Variants in GRID1 observed in about 807,000 individuals in gnomAD.
The protein encoded by GRID1 is glutamate ionotropic receptor delta type subunit 1.
Under a neutral mutation model 98.0 loss-of-function variants are expected in GRID1, and 28 were observed. The ratio of observed to expected loss-of-function variants is 0.29; its 90% CI spans 0.21 to 0.39. The LOEUF is 0.39. Among genes scored for constraint, GRID1 ranks in the 10% least tolerant of loss-of-function variants. The probability of loss-of-function intolerance (pLI) is 1.00; values close to 1 mark genes in which losing one functional copy is unlikely to be tolerated. For missense variants in GRID1, 1,111 were observed against 1,340.5 expected, an observed-to-expected ratio of 0.83 and a Z score of 2.67; for synonymous variants, 553 against 538.5, an observed-to-expected ratio of 1.03 and a Z score of -0.37.
At chr10:85,664,485 C>T (rs1211222176) in intron 12 of GRID1, among the ~76,000 whole-genome samples, 1 of 152,108 alleles carries the variant, frequency 6.6e-6, no homozygotes, top group East Asian at 1.9e-4. Context: ...AGTTTTTTAT[C>T]TTTTGTAATG....
intron 4 of GRID1, among the ~76,000 whole-genome samples, chr10:86,055,882 A>C (rs1200931979): frequency 1.3e-5 from 2 of 152,140 alleles, no homozygotes; most frequent in African/African-American, 4.8e-5. Flanking sequence ...CAAGCCAGAA[A>C]AAGAGCCCTT....
intron 4 of GRID1, among the ~76,000 whole-genome samples, chr10:85,955,918 C>T (rs2131846167): frequency 6.6e-6 from 1 of 152,270 alleles, no homozygotes. Context: ...CCCCTCAGCC[C>T]TTTCTCTTTC....
intron 4 of GRID1, among the ~76,000 whole-genome samples, chr10:86,074,384 T>A (rs915711024): frequency 1.3e-5 from 2 of 152,190 alleles, no homozygotes; most frequent in Non-Finnish European, 2.9e-5. Context: ...CGTGTTCAAA[T>A]GTTTTCATTC....
intron 4 of GRID1, among the ~76,000 whole-genome samples, chr10:86,070,909 T>C (rs1437689636): frequency 2.0e-5 from 3 of 151,888 alleles, no homozygotes; most frequent in African/African-American, 7.3e-5. Context: ...TGCATGCACA[T>C]CTCCCTCCCT....
rs1229649171 is a variant in GRID1 at position 85,825,382 on chromosome 10, TG to T, written c.1233+29113del. ...TCATTTGTCCATTTTCTGATGGGATTGTTTTTTTTTTTCTTGCTGATTTATT... is the reference window on the plus strand; with the variant it reads ...TCATTTGTCCATTTTCTGATGGGATTTTTTTTTTTTTCTTGCTGATTTATT... On this transcript the variant is annotated intron_variant, in intron 8 of 15. Coordinates refer to ENST00000327946, the MANE Select transcript of GRID1 (RefSeq NM_017551.3). 1.7e-4 allele frequency among the ~76,000 whole-genome samples: 24 copies of T among 140,388 alleles called. 1 individual carries two copies. Among genetic ancestry groups the T allele is most frequent in the South Asian group, 6.9e-4 (3 of 4,328 alleles). The allele number at this position is 140,388 out of a possible 152,430, so 92.1% of individuals were successfully genotyped here.
At chr10:85,872,001 A>T (rs991563334) in intron 5 of GRID1, among the ~76,000 whole-genome samples, 5 of 152,160 alleles carry the variant, frequency 3.3e-5, no homozygotes, top group African/African-American at 1.2e-4. Flanking sequence ...GGGGAAATTG[A>T]CAATGTCCAT....
chr10:85,619,924 T>C lies in GRID1; in HGVS notation c.2303A>G (p.Lys768Arg). 1 of 1,614,170 alleles carries C rather than the reference T, an allele frequency of 6.2e-7. No individual in the cohort carries two copies. Among genetic ancestry groups the C allele is most frequent in the South Asian group, 1.1e-5 (1 of 91,076 alleles). Reference protein sequence around the residue: ...VTVIGNSISSKGYGIALQHGS... With the variant: ...VTVIGNSISSRGYGIALQHGS... The stretch of plus-strand genomic sequence containing the variant: ...ATGCTGCAGGGCAATCCCGTAACCC[T>C]TGCTGCTGATGCTGTTGCCGATGAC... Residue 768 changes from lysine to arginine, a missense_variant, in exon 14 of 16, where the codon AAG becomes AGG. Coordinates refer to ENST00000327946, the MANE Select transcript of GRID1 (RefSeq NM_017551.3).
chr10:86,287,095 GA>G (rs1217286621), intron 2 of GRID1, among the ~76,000 whole-genome samples: 1 of 152,222 alleles, frequency 6.6e-6, no homozygotes, highest in Non-Finnish European at 1.5e-5. Flanking sequence ...GTGAGGTCCA[GA>G]AGGATGCACA....
intron 4 of GRID1, among the ~76,000 whole-genome samples, chr10:86,049,413 T>C (rs188576001): frequency 2.0e-5 from 3 of 152,338 alleles, no homozygotes; most frequent in African/African-American, 7.2e-5. Context: ...CTTAAAGATA[T>C]TATTTCCTGA....
Position 85,724,450 on chromosome 10 carries a change from T to A in GRID1, c.1760A>T (p.Gln587Leu). The change falls in exon 11 of 16, where the codon CAG (glutamine) becomes CTG (leucine). Residue 587 changes from glutamine to leucine, a missense_variant. By Grantham distance (113) the Gln-to-Leu change is moderately radical. Around this residue, in one of 3 missense-constraint regions of GRID1, gnomAD observed 762 missense variants for 869.1 expected, o/e 0.88. Transcript: ENST00000327946. ...GVLIFVLNRI[Q>L]AVRAQSAAQP... The stretch of plus-strand genomic sequence containing the variant: ...GGCAGCACTCTGAGCCCTCACAGCC[T>A]GTATCCTGTTCAACACAAATATCAG... 16 of 1,614,152 alleles carry A rather than the reference T, an allele frequency of 9.9e-6. No individual in the cohort carries two copies. The highest frequency in any genetic ancestry group is 1.4e-5 in the Non-Finnish European group (16 of 1,180,008).
chr10:85,685,313 C>T (rs1841256568), intron 12 of GRID1, among the ~76,000 whole-genome samples: 3 of 152,056 alleles, frequency 2.0e-5, no homozygotes, highest in African/African-American at 4.8e-5. Context: ...GTAAAATTTA[C>T]AAGATATCAT....
intron 2 of GRID1, among the ~76,000 whole-genome samples, chr10:86,222,105 G>A (rs967125343): frequency 1.3e-5 from 2 of 152,174 alleles, no homozygotes; most frequent in Non-Finnish European, 1.5e-5. Flanking sequence ...CCTACCACGC[G>A]GTGGTCCCCG....
chr10:85,715,314 TG>T (rs764179084), intron 12 of GRID1, among the ~76,000 whole-genome samples: 126 of 152,314 alleles, frequency 8.3e-4, no homozygotes, highest in Non-Finnish European at 1.4e-3. Flanking sequence ...GACATTGGTC[TG>T]GGGCGTGATT....
intron 12 of GRID1, among the ~76,000 whole-genome samples, chr10:85,653,540 A>G (rs4532980): frequency 0.62 from 94,320 of 152,056 alleles, 30,336 homozygotes; most frequent in African/African-American, 0.79. Flanking sequence ...CAGGAAGCCT[A>G]GGAAAGGGGA....
At chr10:85,708,255 T>C (rs1321856633) in intron 12 of GRID1, among the ~76,000 whole-genome samples, 1 of 151,550 alleles carries the variant, frequency 6.6e-6, no homozygotes, top group African/African-American at 2.4e-5. Context: ...ATATGAAAAA[T>C]TAGCCAGGCG....
intron 2 of GRID1, among the ~76,000 whole-genome samples, chr10:86,252,980 T>C (rs886143324): frequency 3.3e-5 from 5 of 152,224 alleles, no homozygotes; most frequent in Admixed American, 2.6e-4. Flanking sequence ...GATAACTCTT[T>C]TATGACACAA....
At chr10:85,820,489 G>A (rs893313035) in intron 8 of GRID1, among the ~76,000 whole-genome samples, 2 of 152,104 alleles carry the variant, frequency 1.3e-5, no homozygotes, top group Admixed American at 6.5e-5. Flanking sequence ...CAAGGTCATC[G>A]CCAAGGTCTG....
intron 4 of GRID1, among the ~76,000 whole-genome samples, chr10:85,953,576 TA>T (rs1224428902): frequency 6.6e-6 from 1 of 152,202 alleles, no homozygotes; most frequent in African/African-American, 2.4e-5. Flanking sequence ...TATGTATAAC[TA>T]AAAAAGCCTT....
At chr10:85,953,165 A>G (rs1015892976) in intron 4 of GRID1, among the ~76,000 whole-genome samples, 4 of 152,102 alleles carry the variant, frequency 2.6e-5, no homozygotes, top group Non-Finnish European at 5.9e-5. Flanking sequence ...ATGGTGGTAC[A>G]TATGCACCAT....
Sources: gnomAD v4.1 joint callset for allele counts (sites outside exome capture counted in the v4.1 genomes callset) on GRCh38, gnomAD v4.1.1 for gene constraint, gnomAD v4.1.1 regional missense constraint, MANE v1.5 for transcripts, NCBI Gene and HGNC (gene_info 2026-07-23, HGNC 2026-07-21) for gene names.